Variants in VPS35L observed in about 807,000 individuals in gnomAD.
The protein encoded by VPS35L is VPS35 endosomal protein-sorting factor-like.
A neutral mutation model predicts 133.0 loss-of-function variants in VPS35L; 83 were observed. The ratio of observed to expected loss-of-function variants is 0.62; its 90% confidence interval spans 0.52 to 0.75. The LOEUF (loss-of-function observed/expected upper bound fraction) is 0.75. Among genes scored for constraint, VPS35L ranks in the 30% least tolerant of loss-of-function variants. The pLI, the probability that VPS35L is intolerant of heterozygous loss-of-function variation, is 0.00. For synonymous variants in VPS35L, 423 were observed against 449.9 expected (o/e 0.94, Z 0.76); for missense variants, 1,083 against 1,206.8 (o/e 0.90, Z 1.52).
intron 19 of VPS35L, among the ~76,000 whole-genome samples, chr16:19,636,077 C>G (rs1233160243): frequency 6.6e-6 from 1 of 151,672 alleles, no homozygotes; most frequent in Non-Finnish European, 1.5e-5. Flanking sequence ...TCCCAGCTAC[C>G]CTGGAGGCTA....
chr16:19,593,567 G>A (rs1174389066), intron 8 of VPS35L, among the ~76,000 whole-genome samples: 1 of 152,152 alleles, frequency 6.6e-6, no homozygotes, highest in African/African-American at 2.4e-5. Context: ...AAGTCCAGGG[G>A]TAGTTTGGCT....
At position 19,638,085 on chromosome 16, in the gene VPS35L, A is replaced by G. The variant is rs139626540; in HGVS notation, c.1698+429A>G. 1.1e-4 allele frequency among the ~76,000 whole-genome samples: 16 copies of G among 152,122 alleles called. No homozygotes were observed. In the East Asian group the frequency reaches 2.5e-3, roughly 24 times the overall value. ...TGTCTGACAGTTGAGATTTACCATG[A>G]TTCCCTCAAAAATTTAAAATATCCT... On this transcript the variant is annotated intron_variant, in intron 20 of 30. Transcript: ENST00000417362.
At chr16:19,674,184 CTTTTTTTTTTTTT>C (rs201038834) in intron 27 of VPS35L, among the ~76,000 whole-genome samples, 3 of 70,914 alleles carry the variant, frequency 4.2e-5, no homozygotes, top group South Asian at 6.1e-4. Flanking sequence ...TTTTCTTTTT[CTTTTTTTTTTTTT>C]TTTTTTTTTT....
intron 26 of VPS35L, among the ~76,000 whole-genome samples, chr16:19,668,762 C>T (rs1366713790): frequency 6.6e-6 from 1 of 152,172 alleles, no homozygotes; most frequent in Non-Finnish European, 1.5e-5. Context: ...GGATGAATTG[C>T]TTCTCTTTCC....
intron 3 of VPS35L, among the ~76,000 whole-genome samples, chr16:19,570,887 A>ATATT (rs1971360183): frequency 1.2e-5 from 1 of 82,254 alleles, no homozygotes; most frequent in Non-Finnish European, 2.3e-5. Flanking sequence ...ATATATATAT[A>ATATT]TATTTTTGAG....
chr16:19,584,513 G>C (rs1971803804), intron 7 of VPS35L, among the ~76,000 whole-genome samples: 1 of 151,714 alleles, frequency 6.6e-6, no homozygotes, highest in African/African-American at 2.4e-5. Flanking sequence ...TGTAATCTCA[G>C]CTACTTGGGA....
chr16:19,633,761 G>A lies in VPS35L; in HGVS notation c.1635+589G>A, dbSNP rs554341116. Among the ~76,000 whole-genome samples, 8 of 150,732 alleles carry A rather than the reference G, an allele frequency of 5.3e-5. No homozygotes were observed. The highest frequency in any genetic ancestry group is 2.0e-4 in the Admixed American group (3 of 15,156). On this transcript the variant is annotated intron_variant, in intron 19 of 30. Transcript: ENST00000417362. The surrounding 1 kb of genome is among the most constrained non-coding windows in gnomAD (Gnocchi z 4.1). ...TTTTGTTTTTGTTTTGTTTTGAGACGGAGTCTTGCTCTGTTGCCCAGGCTG... is the reference window on the plus strand; with the variant it reads ...TTTTGTTTTTGTTTTGTTTTGAGACAGAGTCTTGCTCTGTTGCCCAGGCTG...
At chr16:19,610,485 C>G (rs1207799106) in intron 12 of VPS35L, 70 bp downstream of exon 12, 1 of 1,201,188 alleles carries the variant, frequency 8.3e-7, no homozygotes, top group Non-Finnish European at 1.2e-6. Context: ...CACACAGGGC[C>G]CTCCTTCCCC....
chr16:19,694,948 G>A (rs1368808527), intron 29 of VPS35L, among the ~76,000 whole-genome samples: 18 of 151,720 alleles, frequency 1.2e-4, no homozygotes, highest in African/African-American at 4.1e-4. Context: ...GGAGGTTGCA[G>A]TGAGCTGAGA....
intron 29 of VPS35L, among the ~76,000 whole-genome samples, chr16:19,695,739 C>CAAA (rs1975884339): frequency 1.3e-5 from 2 of 152,014 alleles, no homozygotes; most frequent in Non-Finnish European, 2.9e-5. Flanking sequence ...ATCGCTTGAG[C>CAAA]CCAGGAGTTT....
intron 21 of VPS35L, 34 bp from the exon 22 acceptor site, chr16:19,642,362 A>C (rs1489223892): frequency 6.3e-7 from 1 of 1,593,736 alleles, no homozygotes; most frequent in Admixed American, 1.7e-5. Flanking sequence ...GTCAGTGGAC[A>C]AAACTTTGAC....
At chr16:19,640,142 T>C in intron 21 of VPS35L, 42 bp downstream of exon 21, 1 of 1,553,554 alleles carries the variant, frequency 6.4e-7, no homozygotes. Context: ...ATTCCCAATG[T>C]CCTTGTGAAA....
chr16:19,662,025 C>T (rs1036600673), intron 26 of VPS35L, among the ~76,000 whole-genome samples: 1 of 146,084 alleles, frequency 6.8e-6, no homozygotes, highest in Non-Finnish European at 1.5e-5. Context: ...CCAGTCTGTA[C>T]AAAATATGAA....
intron 3 of VPS35L, among the ~76,000 whole-genome samples, chr16:19,571,011 C>T (rs1169698864): frequency 6.6e-6 from 1 of 150,714 alleles, no homozygotes; most frequent in Admixed American, 6.6e-5. Context: ...GTGGCTGGGA[C>T]TACAGGCACG....
intron 8 of VPS35L, among the ~76,000 whole-genome samples, chr16:19,595,845 T>C (rs1972197966): frequency 6.6e-6 from 1 of 152,208 alleles, no homozygotes; most frequent in South Asian, 2.1e-4. Flanking sequence ...GTTTAGGTGC[T>C]TTATAGATAT....
intron 27 of VPS35L, among the ~76,000 whole-genome samples, chr16:19,673,037 G>A (rs1038506478): frequency 6.6e-6 from 1 of 152,156 alleles, no homozygotes; most frequent in African/African-American, 2.4e-5. Context: ...GAGACTTTGG[G>A]AAAGTTTTAT....
chr16:19,579,430 T>G, intron 6 of VPS35L: 1 of 236,540 alleles, frequency 4.2e-6, no homozygotes, highest in Non-Finnish European at 8.3e-6. Flanking sequence ...GCGCGGTGGC[T>G]CACGCCTGTA....
chr16:19,594,192 A>T (rs1395799879), intron 8 of VPS35L, among the ~76,000 whole-genome samples: 1 of 152,188 alleles, frequency 6.6e-6, no homozygotes, highest in African/African-American at 2.4e-5. Flanking sequence ...TAAAAGAGTG[A>T]TACAGTTAGC....
intron 7 of VPS35L, among the ~76,000 whole-genome samples, chr16:19,583,478 C>G (rs1029846705): frequency 6.6e-6 from 1 of 151,920 alleles, no homozygotes; most frequent in Non-Finnish European, 1.5e-5. Context: ...TGATCAAATC[C>G]AAGTAATTAG....
Sources: gnomAD v4.1 joint callset for allele counts (sites outside exome capture counted in the v4.1 genomes callset) on GRCh38, gnomAD v4.1.1 for gene constraint, Gnocchi (gnomAD v3.1) non-coding constraint, MANE v1.5 for transcripts, NCBI Gene and HGNC (gene_info 2026-07-23, HGNC 2026-07-21) for gene names.